The following ZNF502 variants were observed in gnomAD, a reference collection of about 807,000 sequenced individuals.
The protein encoded by ZNF502 is zinc finger protein 502.
In ZNF502, 29 loss-of-function variants were observed where a neutral mutation model predicts 43.6. The ratio of observed to expected loss-of-function variants is 0.67; its 90% CI spans 0.50 to 0.91. The LOEUF (loss-of-function observed/expected upper bound fraction) is 0.91, where lower values mean the gene tolerates loss of function less well. Among genes scored for constraint, ZNF502 ranks in the 40% least tolerant of loss-of-function variants. The pLI is 0.00. For synonymous variants in ZNF502, 171 were observed against 207.4 expected (o/e 0.82, Z 1.51); for missense variants, 591 against 647.2 (o/e 0.91, Z 0.94).
chr3:44,716,490 G>A lies in ZNF502; in HGVS notation c.-59-3713G>A, dbSNP rs371492481. On this transcript the variant is annotated intron_variant, in intron 1 of 2. Transcript: ENST00000436624. Reference sequence around the variant, plus strand: ...CAGGTGTGAGCCACTGCGCCCAGCCGAATATAGTCATTTTTTATGGCATAC... The same window carrying A: ...CAGGTGTGAGCCACTGCGCCCAGCCAAATATAGTCATTTTTTATGGCATAC... 3.9e-5 allele frequency among the ~76,000 whole-genome samples: 6 copies of A among 152,052 alleles called. No homozygotes were observed. The East Asian group carries it at 7.7e-4, about 20-fold the overall frequency.
rs1559500307 is a variant in ZNF502, at chr3:44,720,910, T to G, written c.93T>G (p.Asp31Glu). Residue 31 changes from aspartate (D) to glutamate (E), a missense_variant, in exon 3 of 3, where the codon GAT becomes GAG. Coordinates refer to ENST00000436624, the MANE Select transcript of ZNF502 (RefSeq NM_001134442.3). ...VNKNKPALEQ[D>E]VCKIDSSGIV... ...AGAACAAGCCTGCTCTGGAGCAGGATGTCTGTAAAATTGACTCATCAGGGA... is the reference window on the plus strand; with the variant it reads ...AGAACAAGCCTGCTCTGGAGCAGGAGGTCTGTAAAATTGACTCATCAGGGA... 6.2e-7 allele frequency: 1 copy of G among 1,613,664 alleles called. No homozygotes were observed.
chr3:44,721,615 T>G lies in ZNF502; in HGVS notation c.798T>G (p.Pro266=). 1.2e-6 allele frequency: 2 copies of G among 1,613,940 alleles called. No homozygotes were observed. Among genetic ancestry groups the G allele is most frequent in the Non-Finnish European group, 1.7e-6 (2 of 1,179,932 alleles). The change falls in exon 3 of 3, where the codon CCT becomes CCG. Residue 266 remains proline (P), a synonymous_variant. Transcript: ENST00000436624. ...AGAGAATTCACACTGGAGAGAAACC[T>G]TATAAATGCAATAGGTGTGGGAAGG... The part of the protein sequence containing the change: ...EHQRIHTGEK[P]YKCNRCGKAF...
chr3:44,716,348 C>A (rs576409207), intron 1 of ZNF502, among the ~76,000 whole-genome samples: 1 of 152,002 alleles, frequency 6.6e-6, no homozygotes, highest in Non-Finnish European at 1.5e-5. Flanking sequence ...CCACTGCGCC[C>A]GGCTAATTTT....
At chr3:44,720,390 G>T in intron 2 of ZNF502, 74 bp downstream of exon 2, 1 of 1,450,764 alleles carries the variant, frequency 6.9e-7, no homozygotes, top group Non-Finnish European at 9.5e-7. Flanking sequence ...TAGAGGACAA[G>T]CTGGGTGAGG....
At chr3:44,718,236 C>G (rs1704203174) in intron 1 of ZNF502, among the ~76,000 whole-genome samples, 1 of 152,186 alleles carries the variant, frequency 6.6e-6, no homozygotes, top group Non-Finnish European at 1.5e-5. Context: ...ACATCTCCCT[C>G]TCTCACCCTT....
Position 44,721,797 on chromosome 3 carries a change from A to T in ZNF502, c.980A>T (p.Glu327Val). 1 of 1,614,150 alleles carries T rather than the reference A, an allele frequency of 6.2e-7. No individual in the cohort carries two copies. The highest frequency in any genetic ancestry group is 8.5e-7 in the Non-Finnish European group (1 of 1,180,004). ...GGGGAAAAACCCCATAAATGTGACG[A>T]ATGTGGGAAAACTTTCCAAACAAAG... ...HTGEKPHKCD[E>V]CGKTFQTKAN... is the part of the protein sequence containing the mutation. The change falls in exon 3 of 3, where the codon GAA becomes GTA. Residue 327 changes from glutamate to valine, a missense_variant. Transcript: ENST00000436624.
chr3:44,714,251 T>G (rs1409085057), intron 1 of ZNF502, among the ~76,000 whole-genome samples: 1 of 152,190 alleles, frequency 6.6e-6, no homozygotes. Flanking sequence ...CTTTTTACCT[T>G]TCACCATAAT....
At chr3:44,717,378 G>C (rs1473926156) in intron 1 of ZNF502, among the ~76,000 whole-genome samples, 1 of 144,926 alleles carries the variant, frequency 6.9e-6, no homozygotes, top group Non-Finnish European at 1.5e-5. Flanking sequence ...TTGTTTTGTT[G>C]CCCAGGCTGG....
chr3:44,713,340 C>A (rs1050504379), intron 1 of ZNF502, among the ~76,000 whole-genome samples: 2 of 152,146 alleles, frequency 1.3e-5, no homozygotes, highest in Non-Finnish European at 2.9e-5. Flanking sequence ...CCATTATATG[C>A]CAAACATTAC....
chr3:44,720,889 C>T lies in ZNF502; in HGVS notation c.72C>T (p.Asn24=). Residue 24 remains asparagine (N), a synonymous_variant, in exon 3 of 3, where the codon AAC becomes AAT. Transcript: ENST00000436624. ...RETCPGWVNK[N]KPALEQDVCK... is the part of the protein sequence containing the mutation. The stretch of plus-strand genomic sequence containing the variant: ...TTCTTTCAGGCTGGGTAAACAAGAA[C>T]AAGCCTGCTCTGGAGCAGGATGTCT... The T allele has an allele frequency of 6.2e-7, 1 of 1,611,468 alleles. No individual in the cohort carries two copies. The highest frequency in any genetic ancestry group is 1.1e-5 in the South Asian group (1 of 90,798).
intron 1 of ZNF502, among the ~76,000 whole-genome samples, chr3:44,715,466 T>C (rs1372051955): frequency 6.6e-6 from 1 of 152,224 alleles, no homozygotes; most frequent in East Asian, 1.9e-4. Flanking sequence ...CAGAAGTTAG[T>C]TATTCCTATG....
intron 1 of ZNF502, among the ~76,000 whole-genome samples, chr3:44,715,418 C>T (rs1300047578): frequency 6.6e-6 from 1 of 152,118 alleles, no homozygotes; most frequent in Non-Finnish European, 1.5e-5. Flanking sequence ...AAATCTCTGG[C>T]CATCTCTGAT....
chr3:44,721,865 C>A lies in ZNF502; in HGVS notation c.1048C>A (p.Pro350Thr). The A allele has an allele frequency of 6.2e-7, 1 of 1,614,006 alleles. No homozygotes were observed. Residue 350 changes from proline (P) to threonine (T), a missense_variant, in exon 3 of 3, where the codon CCC becomes ACC. Transcript: ENST00000436624. Reference protein sequence around the residue: ...QHQRIHSGEKPYKCKECGKAF... With the variant: ...QHQRIHSGEKTYKCKECGKAF... ...TCAGAGAATTCATAGTGGAGAGAAA[C>A]CCTATAAATGTAAAGAATGTGGCAA...
intron 1 of ZNF502, among the ~76,000 whole-genome samples, chr3:44,717,405 C>CTTTTTT (rs34497930): frequency 2.1e-4 from 16 of 76,032 alleles, no homozygotes; most frequent in Admixed American, 6.8e-4. Flanking sequence ...GTGATGCAAT[C>CTTTTTT]TTTTTTTTTT....
rs1376660981 is a variant in ZNF502, at chr3:44,721,996, A to T, written c.1179A>T (p.Pro393=). 6.2e-7 allele frequency: 1 copy of T among 1,613,906 alleles called. No individual in the cohort carries two copies. The highest frequency in any genetic ancestry group is 8.5e-7 in the Non-Finnish European group (1 of 1,180,002). Residue 393 remains proline (P), a synonymous_variant, in exon 3 of 3, where the codon CCA becomes CCT. Transcript: ENST00000436624. ...ECGKAFTQST[P]LTKHQRIHTG... ...GCAAAGCGTTTACTCAGAGCACCCC[A>T]CTCACTAAACATCAGAGAATACATA...
chr3:44,713,161 AG>A (rs1460490171), intron 1 of ZNF502, among the ~76,000 whole-genome samples: 1 of 152,200 alleles, frequency 6.6e-6, no homozygotes, highest in Non-Finnish European at 1.5e-5. Flanking sequence ...AATAGCGTAA[AG>A]TGCACTCGTT....
chr3:44,713,142 G>A (rs1704064441), intron 1 of ZNF502, among the ~76,000 whole-genome samples: 1 of 152,200 alleles, frequency 6.6e-6, no homozygotes, highest in Non-Finnish European at 1.5e-5. Context: ...GTTTTTATAG[G>A]AGACGGCAAA....
rs1459382166 is a variant in ZNF502, at chr3:44,721,353, G to A, written c.536G>A (p.Gly179Glu). 6.2e-7 allele frequency: 1 copy of A among 1,614,108 alleles called. No homozygotes were observed. The highest frequency in any genetic ancestry group is 8.5e-7 in the Non-Finnish European group (1 of 1,179,990). Residue 179 changes from glycine to glutamate, a missense_variant, in exon 3 of 3, where the codon GGA becomes GAA. By Grantham distance (98) the Gly-to-Glu change is moderately conservative (BLOSUM62 -2). Coordinates refer to ENST00000436624, the MANE Select transcript of ZNF502 (RefSeq NM_001134442.3). ...SLTQHQRTHT[G>E]ERPYTCEECG... ...ACCCAACATCAGAGAACTCATACTG[G>A]AGAGAGACCCTACACATGTGAGGAA...
intron 1 of ZNF502, among the ~76,000 whole-genome samples, chr3:44,713,777 A>C (rs57052778): frequency 6.6e-6 from 1 of 152,046 alleles, no homozygotes; most frequent in African/African-American, 2.4e-5. Context: ...ACGGGGTTTC[A>C]CAGTGTTGGT....
Sources: allele counts gnomAD v4.1 joint callset (sites outside exome capture counted in the v4.1 genomes callset), GRCh38; gene constraint gnomAD v4.1.1; transcripts MANE v1.5; gene names NCBI Gene and HGNC (gene_info 2026-07-23, HGNC 2026-07-21).